The following CD38 variants were observed in gnomAD, a reference collection of about 807,000 sequenced individuals.
CD38 encodes the protein ADP-ribosyl cyclase/cyclic ADP-ribose hydrolase 1.
A neutral mutation model predicts 36.3 loss-of-function variants in CD38; 31 were observed. The observed-to-expected ratio is 0.85, with a 90% CI of 0.64 to 1.15. The LOEUF is 1.15. CD38 is among the 50% of genes most tolerant of loss of function. The pLI is 0.00. For missense variants in CD38, 380 were observed against 371.9 expected (o/e 1.02, Z -0.18); for synonymous variants, 131 against 135.2 (o/e 0.97, Z 0.22).
intron 2 of CD38, among the ~76,000 whole-genome samples, chr4:15,820,457 A>T (rs1181377544): frequency 6.6e-6 from 1 of 152,194 alleles, no homozygotes; most frequent in Non-Finnish European, 1.5e-5. Context: ...CTCACATGCA[A>T]AGACACACAT....
intron 5 of CD38, among the ~76,000 whole-genome samples, chr4:15,839,415 C>CTTTTTTTTTTTT (rs560134404): frequency 1.1e-5 from 1 of 88,072 alleles, no homozygotes; most frequent in African/African-American, 5.0e-5. Context: ...TTCTACATTT[C>CTTTTTTTTTTTT]TTTTTTTTTT....
chr4:15,837,206 C>T lies in CD38; in HGVS notation c.586-886C>T, dbSNP rs189887223. The stretch of plus-strand genomic sequence containing the variant: ...CACTCAGTCCCTGGCACTAGGAATA[C>T]AGAGGTGCACGTGATTGAAGGCGTC... On this transcript the variant is annotated intron_variant, in intron 4 of 7. Transcript: ENST00000226279. 3.4e-4 allele frequency among the ~76,000 whole-genome samples: 52 copies of T among 152,318 alleles called. No homozygotes were observed. The East Asian group carries it at 9.4e-3, about 28-fold the overall frequency.
chr4:15,780,756 T>TA (rs1270302096), intron 1 of CD38, among the ~76,000 whole-genome samples: 1 of 152,156 alleles, frequency 6.6e-6, no homozygotes, highest in Non-Finnish European at 1.5e-5. Flanking sequence ...ATTCTGCTTT[T>TA]AAAAAAATAA....
At position 15,838,175 on chromosome 4, in the gene CD38, T is replaced by G. The variant is rs1435414955; in HGVS notation, c.659+10T>G. 2 of 1,592,502 alleles carry G rather than the reference T, an allele frequency of 1.3e-6. No homozygotes were observed. The highest frequency in any genetic ancestry group is 2.7e-5 in the African/African-American group (2 of 74,466). On this transcript the variant is annotated intron_variant, in intron 5 of 7. Coordinates refer to ENST00000226279, the MANE Select transcript of CD38 (RefSeq NM_001775.4). ...TCTTTGACAAAAACAGGTACACATT[T>G]ATTTTGCATCCTGTTTGCAAGTATC... is the stretch of plus-strand genomic sequence containing the variant.
rs1331761192 is a variant in CD38, at chr4:15,834,279, T to G, written c.562T>G (p.Phe188Val). The G allele has an allele frequency of 3.1e-6, 5 of 1,612,632 alleles. No homozygotes were observed. In the African/African-American group the frequency reaches 6.7e-5, roughly 22 times the overall value. Residue 188 changes from phenylalanine to valine, a missense_variant, in exon 4 of 8, where the codon TTC (phenylalanine) becomes GTC (valine). Coordinates refer to ENST00000226279, the MANE Select transcript of CD38 (RefSeq NM_001775.4). ...CTGCAGCAACAACCCTGTTTCAGTA[T>G]TCTGGAAAACGGTTTCCCGCAGGGT... ...KDCSNNPVSVFWKTVSRRFAE... is the reference protein window; with the variant it reads ...KDCSNNPVSVVWKTVSRRFAE...
chr4:15,783,655 G>C (rs190818108), intron 1 of CD38, among the ~76,000 whole-genome samples: 10 of 152,274 alleles, frequency 6.6e-5, no homozygotes, highest in Non-Finnish European at 1.3e-4. Flanking sequence ...TAGAAATTGT[G>C]GGAGACTTAA....
At chr4:15,838,570 G>T (rs1724126288) in intron 5 of CD38, among the ~76,000 whole-genome samples, 1 of 152,092 alleles carries the variant, frequency 6.6e-6, no homozygotes, top group Non-Finnish European at 1.5e-5. Context: ...ATGAAGACCT[G>T]CCTTGACCCT....
At chr4:15,839,895 T>C in intron 5 of CD38, 131 bp from the exon 6 acceptor site, 1 of 700,510 alleles carries the variant, frequency 1.4e-6, no homozygotes, top group South Asian at 1.7e-5. Flanking sequence ...TATTGACTGA[T>C]TTGCAATTTG....
intron 1 of CD38, among the ~76,000 whole-genome samples, chr4:15,800,050 T>C (rs1723186414): frequency 6.6e-6 from 1 of 152,026 alleles, no homozygotes; most frequent in Non-Finnish European, 1.5e-5. Flanking sequence ...GAAAAATGTA[T>C]AAAAACAGAC....
intron 4 of CD38, among the ~76,000 whole-genome samples, chr4:15,836,000 T>G (rs1463952582): frequency 3.9e-5 from 6 of 152,088 alleles, no homozygotes; most frequent in Non-Finnish European, 8.8e-5. Flanking sequence ...AAGAAAGAAA[T>G]GAAAGAAAAA....
intron 1 of CD38, among the ~76,000 whole-genome samples, chr4:15,792,534 G>C (rs1334103849): frequency 6.8e-6 from 1 of 147,422 alleles, no homozygotes; most frequent in Non-Finnish European, 1.5e-5. Context: ...AAATTTCAAA[G>C]ATATGTAAAA....
intron 1 of CD38, among the ~76,000 whole-genome samples, chr4:15,800,324 T>C (rs999116722): frequency 6.6e-6 from 1 of 152,174 alleles, no homozygotes; most frequent in Admixed American, 6.5e-5. Context: ...CACCCAGAAA[T>C]AGAATAGCAG....
intron 1 of CD38, among the ~76,000 whole-genome samples, chr4:15,813,863 G>A (rs1723527155): frequency 1.3e-5 from 2 of 152,154 alleles, no homozygotes; most frequent in Admixed American, 1.3e-4. Context: ...GGGCATTTGG[G>A]TTGGCTCTAA....
chr4:15,830,671 A>G (rs1411672140), intron 3 of CD38, among the ~76,000 whole-genome samples: 1 of 152,066 alleles, frequency 6.6e-6, no homozygotes, highest in Non-Finnish European at 1.5e-5. Flanking sequence ...TTTTGCCCAG[A>G]CAAATGTCAT....
Position 15,824,875 on chromosome 4 carries a change from C to T in CD38, c.364-6C>T, listed in dbSNP as rs746158797. ...TCAGTAATAGATTGTATTTATTCTT[C>T]CTTAGATTCTTCTTTGGAGCAGAAT... On this transcript the variant is annotated splice_region_variant and splice_polypyrimidine_tract_variant and intron_variant, in intron 2 of 7. Coordinates refer to ENST00000226279, the MANE Select transcript of CD38 (RefSeq NM_001775.4). 2 of 1,609,532 alleles carry T rather than the reference C, an allele frequency of 1.2e-6. No individual in the cohort carries two copies. Among genetic ancestry groups the T allele is most frequent in the South Asian group, 2.2e-5 (2 of 90,770 alleles).
Position 15,852,664 on chromosome 4 carries a change from A to G in CD38, c.*4062A>G, listed in dbSNP as rs1724413190. The G allele has an allele frequency of 6.6e-6, 1 of 152,126 alleles. No homozygotes were observed. The highest frequency in any genetic ancestry group is 2.1e-4 in the South Asian group (1 of 4,828). 9.4% of individuals were successfully genotyped at this position (152,126 alleles called of 1,614,324 possible). On this transcript the variant is annotated 3_prime_UTR_variant, in exon 8 of 8. Transcript: ENST00000226279. ...TTTACTTTTACTATGAAGAGTCATCATTTTAGTATGTATTTTAAGCAATCC... is the reference window on the plus strand; with the variant it reads ...TTTACTTTTACTATGAAGAGTCATCGTTTTAGTATGTATTTTAAGCAATCC...
At chr4:15,795,993 G>A (rs1048227533) in intron 1 of CD38, among the ~76,000 whole-genome samples, 6 of 152,082 alleles carry the variant, frequency 3.9e-5, no homozygotes, top group African/African-American at 4.8e-5. Context: ...CTTCATAGAT[G>A]AAATATTGTG....
At chr4:15,816,764 G>C in intron 2 of CD38, 124 bp downstream of exon 2, 1 of 1,068,362 alleles carries the variant, frequency 9.4e-7, no homozygotes, top group Non-Finnish European at 1.4e-6. Flanking sequence ...TGTGAGTGTG[G>C]TTGGTAGGAA....
intron 4 of CD38, among the ~76,000 whole-genome samples, chr4:15,837,035 G>T (rs977858819): frequency 4.6e-5 from 7 of 152,140 alleles, no homozygotes; most frequent in African/African-American, 1.7e-4. Context: ...AACATTCATG[G>T]GCACTTTATA....
Sources: allele counts gnomAD v4.1 joint callset (sites outside exome capture counted in the v4.1 genomes callset), GRCh38; gene constraint gnomAD v4.1.1; transcripts MANE v1.5; gene names NCBI Gene and HGNC (gene_info 2026-07-23, HGNC 2026-07-21).